Variants in NELL1 observed in about 807,000 individuals in gnomAD.
NELL1 encodes protein kinase C-binding protein NELL1.
Under a neutral mutation model 107.4 loss-of-function variants are expected in NELL1, and 76 were observed. The ratio of observed to expected loss-of-function variants is 0.71; its 90% CI spans 0.59 to 0.86. The LOEUF (loss-of-function observed/expected upper bound fraction) is 0.86, where lower values mean the gene tolerates loss of function less well. NELL1 is among the 40% of genes least tolerant of loss of function. The pLI, the probability that NELL1 is intolerant of heterozygous loss-of-function variation, is 0.00. For synonymous variants in NELL1, 353 were observed against 341.2 expected (o/e 1.03, Z -0.38); for missense variants, 1,024 against 1,005.5 (o/e 1.02, Z -0.25).
intron 12 of NELL1, among the ~76,000 whole-genome samples, chr11:21,106,989 T>C (rs1854985115): frequency 6.6e-6 from 1 of 152,192 alleles, no homozygotes; most frequent in South Asian, 2.1e-4. Context: ...GATGTTTTTA[T>C]TGTTTTTAAT....
intron 3 of NELL1, among the ~76,000 whole-genome samples, chr11:20,841,127 A>G (rs1013570845): frequency 3.3e-5 from 5 of 152,148 alleles, no homozygotes; most frequent in Non-Finnish European, 5.9e-5. Flanking sequence ...TCCCAGTTCA[A>G]TGTTAATCTG....
Position 20,899,985 on chromosome 11 carries a change from AT to A in NELL1, c.603+14446del, listed in dbSNP as rs766885298. ...CCAGTTAGCTTTTGATATACAGCAA[AT>A]CAAAACAAAGCTTAATGGCTTAAAA... On this transcript the variant is annotated intron_variant, in intron 5 of 19. Transcript: ENST00000357134. 5.3e-4 allele frequency among the ~76,000 whole-genome samples: 81 copies of A among 152,162 alleles called. 1 individual carries two copies. The highest frequency in any genetic ancestry group is 1.1e-3 in the Non-Finnish European group (72 of 68,018).
intron 13 of NELL1, among the ~76,000 whole-genome samples, chr11:21,220,739 T>A (rs61888068): frequency 0.068 from 10,287 of 152,188 alleles, 443 homozygotes; most frequent in Non-Finnish European, 0.1. Flanking sequence ...CTTTACTGAA[T>A]TTGTTTATTA....
chr11:21,053,960 C>T (rs75465812), intron 12 of NELL1, among the ~76,000 whole-genome samples: 6,022 of 152,026 alleles, frequency 0.04, 401 homozygotes, highest in African/African-American at 0.14. Flanking sequence ...AGTTTTTTTC[C>T]CCATTCACTA....
chr11:21,557,416 A>C (rs1048020086), intron 16 of NELL1, among the ~76,000 whole-genome samples: 1 of 152,050 alleles, frequency 6.6e-6, no homozygotes, highest in African/African-American at 2.4e-5. Flanking sequence ...CAAAATAACC[A>C]AATATTTTAA....
chr11:20,784,771 C>G (rs1322811553), intron 3 of NELL1, among the ~76,000 whole-genome samples: 1 of 152,154 alleles, frequency 6.6e-6, no homozygotes, highest in Non-Finnish European at 1.5e-5. Flanking sequence ...AGCACCTACT[C>G]TGTTCTAGGT....
At chr11:21,434,139 G>A (rs1339104390) in intron 15 of NELL1, among the ~76,000 whole-genome samples, 2 of 152,032 alleles carry the variant, frequency 1.3e-5, no homozygotes, top group Non-Finnish European at 2.9e-5. Flanking sequence ...TATTCTACAG[G>A]TTGTGTCTTC....
At chr11:21,546,886 T>C (rs938735732) in intron 16 of NELL1, among the ~76,000 whole-genome samples, 3 of 152,008 alleles carry the variant, frequency 2.0e-5, no homozygotes, top group African/African-American at 7.2e-5. Flanking sequence ...AATATTAAAC[T>C]ATAGTATTCA....
intron 2 of NELL1, among the ~76,000 whole-genome samples, chr11:20,764,222 T>C (rs1856483492): frequency 6.6e-6 from 1 of 152,218 alleles, no homozygotes; most frequent in Non-Finnish European, 1.5e-5. Flanking sequence ...ATAATAACTA[T>C]ATTTTAGGGT....
chr11:21,285,867 T>G (rs945469865), intron 14 of NELL1, among the ~76,000 whole-genome samples: 2 of 152,248 alleles, frequency 1.3e-5, no homozygotes, highest in Non-Finnish European at 2.9e-5. Flanking sequence ...TAGTATTTTT[T>G]AAAGTTATAG....
At chr11:20,709,046 C>G (rs1194337138) in intron 2 of NELL1, among the ~76,000 whole-genome samples, 6 of 152,120 alleles carry the variant, frequency 3.9e-5, no homozygotes, top group Non-Finnish European at 7.4e-5. Flanking sequence ...TGGCAGAACT[C>G]AGGTGGTAAT....
intron 4 of NELL1, among the ~76,000 whole-genome samples, chr11:20,876,854 C>G (rs1032718108): frequency 1.3e-5 from 2 of 152,216 alleles, no homozygotes; most frequent in Non-Finnish European, 2.9e-5. Context: ...AGTCAGTAAA[C>G]TTTGAGGACC....
intron 12 of NELL1, among the ~76,000 whole-genome samples, chr11:20,989,772 C>T (rs999071470): frequency 6.6e-6 from 1 of 152,058 alleles, no homozygotes; most frequent in African/African-American, 2.4e-5. Flanking sequence ...GTGGGTGGAA[C>T]ACGAGGTCAG....
intron 7 of NELL1, among the ~76,000 whole-genome samples, chr11:20,923,011 C>T (rs912160861): frequency 2.0e-5 from 3 of 151,982 alleles, no homozygotes; most frequent in Non-Finnish European, 2.9e-5. Flanking sequence ...GAAAATGGTC[C>T]TTAAGAAAAT....
chr11:20,940,192 C>CCT (rs376167005), intron 10 of NELL1, among the ~76,000 whole-genome samples: 24 of 149,690 alleles, frequency 1.6e-4, no homozygotes, highest in Admixed American at 3.3e-4. Context: ...TCCCTCCGTC[C>CCT]CTCTCTCTCT....
intron 15 of NELL1, among the ~76,000 whole-genome samples, chr11:21,399,261 G>T (rs963956429): frequency 2.0e-5 from 3 of 151,604 alleles, no homozygotes; most frequent in Non-Finnish European, 4.4e-5. Context: ...GCAATGAATT[G>T]GGTGTTTGGG....
At chr11:20,782,449 A>G (rs796533055) in intron 2 of NELL1, among the ~76,000 whole-genome samples, 6 of 152,304 alleles carry the variant, frequency 3.9e-5, no homozygotes, top group African/African-American at 1.2e-4. Flanking sequence ...TCAAAAAATT[A>G]TAGAAGGCTA....
At chr11:20,700,993 G>T (rs562717301) in intron 2 of NELL1, among the ~76,000 whole-genome samples, 1 of 152,174 alleles carries the variant, frequency 6.6e-6, no homozygotes, top group Admixed American at 6.5e-5. Flanking sequence ...CTTTATAGCA[G>T]CATGATTTAT....
chr11:21,006,191 T>G (rs1161549691), intron 12 of NELL1, among the ~76,000 whole-genome samples: 6 of 151,942 alleles, frequency 3.9e-5, no homozygotes. Flanking sequence ...ATCCCCAAAT[T>G]TAGATGTTGA....
Sources: gnomAD v4.1 joint callset for allele counts (sites outside exome capture counted in the v4.1 genomes callset) on GRCh38, gnomAD v4.1.1 for gene constraint, MANE v1.5 for transcripts, NCBI Gene and HGNC (gene_info 2026-07-23, HGNC 2026-07-21) for gene names.